GALNTL6: variants seen among roughly 807,000 people sequenced by gnomAD.
GALNTL6 encodes polypeptide N-acetylgalactosaminyltransferase-like 6.
GALNTL6 carries 46 observed loss-of-function variants against 73.7 expected under a neutral mutation model. The observed-to-expected ratio is 0.62, with a 90% CI of 0.49 to 0.80. The LOEUF (loss-of-function observed/expected upper bound fraction) is 0.80. GALNTL6 is among the 30% of genes least tolerant of loss of function. The pLI, the probability that GALNTL6 is intolerant of heterozygous loss-of-function variation, is 0.00. For synonymous variants in GALNTL6, 259 were observed against 263.7 expected (o/e 0.98, Z 0.17); for missense variants, 604 against 755.0 (o/e 0.80, Z 2.34).
At chr4:173,003,152 A>G (rs1752121645) in intron 10 of GALNTL6, among the ~76,000 whole-genome samples, 1 of 152,186 alleles carries the variant, frequency 6.6e-6, no homozygotes, top group African/African-American at 2.4e-5. Flanking sequence ...TTTTATCACA[A>G]TTTTTTAAAA....
chr4:172,737,399 G>C (rs1042905321), intron 5 of GALNTL6, among the ~76,000 whole-genome samples: 3 of 151,184 alleles, frequency 2.0e-5, no homozygotes, highest in Admixed American at 2.0e-4. Context: ...TCATTCCACT[G>C]TTAAGAGCCT....
intron 5 of GALNTL6, among the ~76,000 whole-genome samples, chr4:172,483,576 C>T (rs995256114): frequency 1.3e-5 from 2 of 152,114 alleles, no homozygotes; most frequent in Admixed American, 6.5e-5. Context: ...AATTCATTTG[C>T]AGCAGTGTCT....
chr4:172,202,921 G>T (rs966713573), intron 2 of GALNTL6, among the ~76,000 whole-genome samples: 1 of 152,082 alleles, frequency 6.6e-6, no homozygotes, highest in African/African-American at 2.4e-5. Context: ...TCAAAATTAG[G>T]CTTGAGAGGA....
intron 4 of GALNTL6, among the ~76,000 whole-genome samples, chr4:172,346,988 C>CTTTT (rs34332250): frequency 1.2e-3 from 137 of 114,330 alleles, no homozygotes; most frequent in African/African-American, 1.9e-3. Context: ...TGTTTTCTTT[C>CTTTT]TTTTTTTTTT....
chr4:172,683,839 A>G (rs1012848771), intron 5 of GALNTL6, among the ~76,000 whole-genome samples: 2 of 152,222 alleles, frequency 1.3e-5, no homozygotes, highest in Non-Finnish European at 2.9e-5. Context: ...TCTTTATTTT[A>G]AAAACAAATA....
intron 3 of GALNTL6, among the ~76,000 whole-genome samples, chr4:172,263,338 G>C (rs1007855073): frequency 3.3e-5 from 5 of 151,030 alleles, no homozygotes; most frequent in Admixed American, 6.6e-5. Context: ...CTTTGTCTTT[G>C]TCTTATTGGG....
At position 171,980,321 on chromosome 4, in the gene GALNTL6, G is replaced by A. The variant is rs572049462; in HGVS notation, c.138+165603G>A. On this transcript the variant is annotated intron_variant, in intron 2 of 12. Coordinates refer to ENST00000506823, the MANE Select transcript of GALNTL6 (RefSeq NM_001034845.3). ...TGGTTAAGATAACATTAAGAAATTC[G>A]TTTAGAACGCAGCCTGTACATATAT... 1.1e-4 allele frequency among the ~76,000 whole-genome samples: 17 copies of A among 152,180 alleles called. 1 individual carries two copies. The highest frequency in any genetic ancestry group is 1.0e-3 in the South Asian group (5 of 4,826).
chr4:172,265,094 A>G (rs1305985457), intron 3 of GALNTL6, among the ~76,000 whole-genome samples: 2 of 152,010 alleles, frequency 1.3e-5, no homozygotes, highest in Non-Finnish European at 2.9e-5. Context: ...ATAAATAAAA[A>G]CAATTTCTTA....
chr4:172,441,156 A>T (rs551730409), intron 5 of GALNTL6, among the ~76,000 whole-genome samples: 1 of 152,250 alleles, frequency 6.6e-6, no homozygotes, highest in South Asian at 2.1e-4. Flanking sequence ...ACACATACCA[A>T]TGTCATTTAT....
chr4:172,876,370 T>C (rs945309472), intron 7 of GALNTL6, among the ~76,000 whole-genome samples: 2 of 152,226 alleles, frequency 1.3e-5, no homozygotes, highest in African/African-American at 4.8e-5. Context: ...TTTGGATAAC[T>C]AGTTGGCCTT....
rs1353373130 is a variant in GALNTL6, at chr4:171,923,413, T to TTG, written c.138+108696_138+108697insGT. Among the ~76,000 whole-genome samples the TTG allele has an allele frequency of 3.1e-3, 474 of 150,780 alleles. 6 individuals are homozygous for TTG. The highest frequency in any genetic ancestry group is 0.011 in the African/African-American group (452 of 40,890). The stretch of plus-strand genomic sequence containing the variant: ...CCCTGACTTTGTTTTTTTTTTTTTT[T>TTG]TTGAGACGGAGTCTCGCTTTGTCAC... On this transcript the variant is annotated intron_variant, in intron 2 of 12. Coordinates refer to ENST00000506823, the MANE Select transcript of GALNTL6 (RefSeq NM_001034845.3).
chr4:172,171,349 G>T (rs1033018057), intron 2 of GALNTL6, among the ~76,000 whole-genome samples: 3 of 152,036 alleles, frequency 2.0e-5, no homozygotes, highest in Non-Finnish European at 4.4e-5. Flanking sequence ...ACTATTGCAG[G>T]AATTAAATAG....
chr4:172,618,441 AAC>A (rs1264574966), intron 5 of GALNTL6, among the ~76,000 whole-genome samples: 1 of 152,202 alleles, frequency 6.6e-6, no homozygotes, highest in Non-Finnish European at 1.5e-5. Flanking sequence ...ACTCCCTAGT[AAC>A]ACAGCCCAAT....
intron 5 of GALNTL6, among the ~76,000 whole-genome samples, chr4:172,470,570 G>A (rs988212236): frequency 2.6e-5 from 4 of 152,132 alleles, no homozygotes; most frequent in Admixed American, 1.3e-4. Context: ...AGAAGTGCCA[G>A]TATATTGTCT....
chr4:172,918,392 AAAAAT>A (rs955766643), intron 8 of GALNTL6, among the ~76,000 whole-genome samples: 5 of 152,102 alleles, frequency 3.3e-5, no homozygotes, highest in East Asian at 1.9e-4. Flanking sequence ...ATAATTTAAA[AAAAAT>A]AAAATAAAAT....
intron 3 of GALNTL6, among the ~76,000 whole-genome samples, chr4:172,233,535 C>T (rs1737143643): frequency 1.3e-5 from 2 of 152,178 alleles, no homozygotes; most frequent in South Asian, 4.1e-4. Context: ...GTCTTTCCCT[C>T]CATTGCTCTG....
At chr4:171,869,416 T>C (rs1429215508) in intron 2 of GALNTL6, among the ~76,000 whole-genome samples, 1 of 152,204 alleles carries the variant, frequency 6.6e-6, no homozygotes, top group African/African-American at 2.4e-5. Flanking sequence ...AGCTTTTTTG[T>C]CTGCCTCTTC....
rs189029460 is a variant in GALNTL6, at chr4:172,651,543, A to G, written c.554-157818A>G. ...GTAAATGCATAAAAGGAATTCTTCTACTGACTAATTGGTTAGCTAAACTCC... is the reference window on the plus strand; with the variant it reads ...GTAAATGCATAAAAGGAATTCTTCTGCTGACTAATTGGTTAGCTAAACTCC... On this transcript the variant is annotated intron_variant, in intron 5 of 12. Transcript: ENST00000506823. Among the ~76,000 whole-genome samples, 616 of 152,360 alleles carry G rather than the reference A, an allele frequency of 4.0e-3. 6 individuals carry two copies. Among genetic ancestry groups the G allele is most frequent in the African/African-American group, 0.014 (567 of 41,582 alleles).
intron 2 of GALNTL6, among the ~76,000 whole-genome samples, chr4:172,039,680 C>A (rs567543568): frequency 6.6e-6 from 1 of 152,172 alleles, no homozygotes; most frequent in Admixed American, 6.6e-5. Context: ...GTCAAAAGTG[C>A]AGAAGAAAAG....
Sources: allele counts gnomAD v4.1 joint callset (sites outside exome capture counted in the v4.1 genomes callset), GRCh38; gene constraint gnomAD v4.1.1; transcripts MANE v1.5; gene names NCBI Gene and HGNC (gene_info 2026-07-23, HGNC 2026-07-21).